TMEM266: variants seen among roughly 807,000 people sequenced by gnomAD.
The protein encoded by TMEM266 is transmembrane protein 266.
In TMEM266, 33 loss-of-function variants were observed where a neutral mutation model predicts 50.5. The observed-to-expected ratio is 0.65, with a 90% CI of 0.50 to 0.87. The LOEUF is 0.87. Among genes scored for constraint, TMEM266 ranks in the 40% least tolerant of loss-of-function variants. The pLI is 0.00. For synonymous variants in TMEM266, 310 were observed against 292.3 expected (o/e 1.06, Z -0.62); for missense variants, 655 against 695.1 (o/e 0.94, Z 0.65).
chr15:76,145,544 C>T (rs940649124), intron 3 of TMEM266, among the ~76,000 whole-genome samples: 3 of 152,224 alleles, frequency 2.0e-5, no homozygotes, highest in Non-Finnish European at 4.4e-5. Flanking sequence ...CATGGCAAGG[C>T]ACAGAAAATC....
chr15:76,194,839 G>A lies in TMEM266; in HGVS notation c.958+2682G>A, dbSNP rs183352469. Among the ~76,000 whole-genome samples the A allele has an allele frequency of 2.5e-3, 376 of 152,168 alleles. 2 individuals carry two copies. The highest frequency in any genetic ancestry group is 8.5e-3 in the African/African-American group (352 of 41,500). ...ATCTTAACTAATGACATCTGCAACC[G>A]CTTTCTTTCCAAGTAAGACCACATT... On this transcript the variant is annotated intron_variant, in intron 9 of 10. Coordinates refer to ENST00000388942, the MANE Select transcript of TMEM266 (RefSeq NM_152335.3).
chr15:76,114,779 T>C (rs11072572), intron 1 of TMEM266, among the ~76,000 whole-genome samples: 88,792 of 152,008 alleles, frequency 0.58, 27,217 homozygotes, highest in Non-Finnish European at 0.69. Context: ...TACTATTTAG[T>C]TCCGAAACAT....
chr15:76,105,100 G>A lies in TMEM266; in HGVS notation c.-96-29068G>A, dbSNP rs145101197. 3.5e-3 allele frequency among the ~76,000 whole-genome samples: 528 copies of A among 152,172 alleles called. 1 individual carries two copies. Among genetic ancestry groups the A allele is most frequent in the Non-Finnish European group, 5.2e-3 (355 of 68,018 alleles). ...ATCTCTACTAAAAATACAAAAATTA[G>A]CTGGGCGTGGTGGCGCACACCTATA... On this transcript the variant is annotated intron_variant, in intron 1 of 10. Transcript: ENST00000388942.
intron 1 of TMEM266, among the ~76,000 whole-genome samples, chr15:76,116,002 T>G (rs934765622): frequency 6.6e-6 from 1 of 152,168 alleles, no homozygotes; most frequent in Non-Finnish European, 1.5e-5. Context: ...CTCGCTCCCC[T>G]GCCCCGCCCC....
chr15:76,081,066 G>A (rs1409646810), intron 1 of TMEM266, among the ~76,000 whole-genome samples: 1 of 152,180 alleles, frequency 6.6e-6, no homozygotes, highest in African/African-American at 2.4e-5. Flanking sequence ...GGATGATTCT[G>A]AAGGCCCTTT....
rs957568248 is a variant in TMEM266 at position 76,203,697 on chromosome 15, T to G, written c.1022-44T>G. The stretch of plus-strand genomic sequence containing the variant: ...CTGCTCTCTTCAGGGCCCCCAGGTG[T>G]GGCAGAGGTTGAAGTGTGACCAAGA... On this transcript the variant is annotated intron_variant, in intron 10 of 10. Coordinates refer to ENST00000388942, the MANE Select transcript of TMEM266 (RefSeq NM_152335.3). The G allele has an allele frequency of 8.3e-6, 13 of 1,564,266 alleles. No individual in the cohort carries two copies. The South Asian group carries it at 1.1e-4, about 13-fold the overall frequency.
intron 1 of TMEM266, among the ~76,000 whole-genome samples, chr15:76,077,386 A>T: frequency 6.6e-6 from 1 of 152,126 alleles, no homozygotes; most frequent in East Asian, 1.9e-4. Flanking sequence ...CATTGAAGAC[A>T]TATCAACACG....
At chr15:76,098,739 C>T (rs1309398855) in intron 1 of TMEM266, among the ~76,000 whole-genome samples, 1 of 150,638 alleles carries the variant, frequency 6.6e-6, no homozygotes, top group African/African-American at 2.4e-5. Context: ...CTATAAGTCC[C>T]TGACTGGGGC....
chr15:76,092,612 C>T (rs2036863881), intron 1 of TMEM266, among the ~76,000 whole-genome samples: 2 of 151,610 alleles, frequency 1.3e-5, no homozygotes, highest in African/African-American at 4.8e-5. Context: ...ATTGCTTGAA[C>T]CCGGGAAGCG....
chr15:76,182,922 ATAGT>A (rs977514115), intron 8 of TMEM266, among the ~76,000 whole-genome samples: 2 of 151,962 alleles, frequency 1.3e-5, no homozygotes, highest in Admixed American at 6.6e-5. Context: ...TGAGTCACTG[ATAGT>A]TAGGGTGAGT....
At chr15:76,148,143 T>C (rs2037784823) in intron 3 of TMEM266, among the ~76,000 whole-genome samples, 1 of 152,124 alleles carries the variant, frequency 6.6e-6, no homozygotes, top group Non-Finnish European at 1.5e-5. Context: ...GTGTCGGGGA[T>C]GTTTCCTGGA....
intron 9 of TMEM266, among the ~76,000 whole-genome samples, chr15:76,193,487 C>T (rs974762295): frequency 1.3e-5 from 2 of 152,294 alleles, no homozygotes; most frequent in Non-Finnish European, 2.9e-5. Context: ...ATGGAAAGTG[C>T]TAGGTTTATA....
At chr15:76,147,446 G>A (rs2955722) in intron 3 of TMEM266, among the ~76,000 whole-genome samples, 30,344 of 152,032 alleles carry the variant, frequency 0.2, 4,039 homozygotes, top group African/African-American at 0.38. Context: ...TTTTCTCAGG[G>A]AGGAAAAGAA....
At chr15:76,094,930 A>G (rs946647710) in intron 1 of TMEM266, among the ~76,000 whole-genome samples, 1 of 152,002 alleles carries the variant, frequency 6.6e-6, no homozygotes, top group African/African-American at 2.4e-5. Context: ...TTATTGGTGT[A>G]TAGAAATGCT....
intron 1 of TMEM266, among the ~76,000 whole-genome samples, chr15:76,077,787 C>G (rs918036721): frequency 2.0e-5 from 3 of 152,048 alleles, no homozygotes; most frequent in Non-Finnish European, 2.9e-5. Flanking sequence ...CTCACGACAC[C>G]TTGATTTTGG....
At chr15:76,165,446 C>A (rs2038080213) in intron 5 of TMEM266, among the ~76,000 whole-genome samples, 1 of 152,236 alleles carries the variant, frequency 6.6e-6, no homozygotes, top group South Asian at 2.1e-4. Context: ...GTAGCCTACA[C>A]TGCTTATCAG....
At chr15:76,116,019 T>C (rs2037240967) in intron 1 of TMEM266, among the ~76,000 whole-genome samples, 1 of 152,130 alleles carries the variant, frequency 6.6e-6, no homozygotes, top group Admixed American at 6.5e-5. Flanking sequence ...CCCCCCACAT[T>C]CAGTGTTCTT....
intron 10 of TMEM266, among the ~76,000 whole-genome samples, chr15:76,203,538 G>A (rs1428360209): frequency 6.6e-6 from 1 of 152,208 alleles, no homozygotes; most frequent in African/African-American, 2.4e-5. Flanking sequence ...AGTTTAACAA[G>A]ATGAGGCATA....
At chr15:76,093,474 T>A (rs1287412769) in intron 1 of TMEM266, among the ~76,000 whole-genome samples, 1 of 152,066 alleles carries the variant, frequency 6.6e-6, no homozygotes, top group Non-Finnish European at 1.5e-5. Context: ...GAACTCATTC[T>A]TTTTTATGGC....
Sources: gnomAD v4.1 joint callset for allele counts (sites outside exome capture counted in the v4.1 genomes callset) on GRCh38, gnomAD v4.1.1 for gene constraint, MANE v1.5 for transcripts, NCBI Gene and HGNC (gene_info 2026-07-23, HGNC 2026-07-21) for gene names.